ALK: variants seen among roughly 807,000 people sequenced by gnomAD.
ALK encodes ALK receptor tyrosine kinase, also known as ALK tyrosine kinase receptor.
Under a neutral mutation model 163.1 loss-of-function variants are expected in ALK, and 74 were observed. The observed-to-expected ratio is 0.45, with a 90% confidence interval of 0.38 to 0.55. The LOEUF is 0.55. ALK is among the 20% of genes least tolerant of loss of function. The pLI, the probability that ALK is intolerant of heterozygous loss-of-function variation, is 0.00. For missense variants in ALK, 2,063 were observed against 2,105.3 expected, an observed-to-expected ratio of 0.98 and a Z score of 0.39; for synonymous variants, 960 against 843.2, an observed-to-expected ratio of 1.14 and a Z score of -2.40.
intron 1 of ALK, among the ~76,000 whole-genome samples, chr2:29,803,771 C>T (rs1664542444): frequency 6.6e-6 from 1 of 152,132 alleles, no homozygotes; most frequent in African/African-American, 2.4e-5. Context: ...GGATGCCAAG[C>T]TTAGAGGTTG....
chr2:29,842,011 C>T (rs1371180310), intron 1 of ALK, among the ~76,000 whole-genome samples: 1 of 151,964 alleles, frequency 6.6e-6, no homozygotes, highest in African/African-American at 2.4e-5. Flanking sequence ...CTCTTCACTC[C>T]TCTTTTCTAC....
At chr2:29,840,276 A>T (rs561201933) in intron 1 of ALK, among the ~76,000 whole-genome samples, 4 of 152,346 alleles carry the variant, frequency 2.6e-5, no homozygotes, top group African/African-American at 9.6e-5. Flanking sequence ...TTAACGTGGT[A>T]TCTGGCAAAT....
intron 3 of ALK, among the ~76,000 whole-genome samples, chr2:29,539,650 G>C (rs1057461708): frequency 6.6e-6 from 1 of 151,946 alleles, no homozygotes; most frequent in African/African-American, 2.4e-5. Context: ...AAAAGTTCAA[G>C]ACTCTAATTT....
intron 3 of ALK, among the ~76,000 whole-genome samples, chr2:29,649,424 T>G (rs2148252397): frequency 6.6e-6 from 1 of 152,260 alleles, no homozygotes; most frequent in African/African-American, 2.4e-5. Context: ...TGATCCTTGG[T>G]TGTTCTTTAT....
intron 5 of ALK, among the ~76,000 whole-genome samples, chr2:29,337,020 C>T (rs1242581091): frequency 6.6e-6 from 1 of 152,078 alleles, no homozygotes; most frequent in Non-Finnish European, 1.5e-5. Flanking sequence ...GGGCCATGAT[C>T]TGGACTAGGA....
chr2:29,288,106 C>T (rs1311446804), intron 9 of ALK, among the ~76,000 whole-genome samples: 1 of 152,096 alleles, frequency 6.6e-6, no homozygotes, highest in Non-Finnish European at 1.5e-5. Context: ...CAGGAATCTG[C>T]AGTATTCTTC....
intron 5 of ALK, among the ~76,000 whole-genome samples, chr2:29,354,878 T>C (rs1390698350): frequency 6.6e-6 from 1 of 151,728 alleles, no homozygotes; most frequent in African/African-American, 2.4e-5. Flanking sequence ...ACCATTCTCC[T>C]GCCTCAGCCT....
At chr2:29,849,780 G>A (rs1256366930) in intron 1 of ALK, among the ~76,000 whole-genome samples, 7 of 152,174 alleles carry the variant, frequency 4.6e-5, no homozygotes, top group African/African-American at 1.7e-4. Context: ...AGGAAGAAGA[G>A]GAGTGGGGAG....
intron 8 of ALK, among the ~76,000 whole-genome samples, chr2:29,315,691 T>C (rs1666813917): frequency 6.6e-6 from 1 of 152,178 alleles, no homozygotes; most frequent in African/African-American, 2.4e-5. Context: ...ATGTGACTGG[T>C]GAAACACAGA....
intron 3 of ALK, among the ~76,000 whole-genome samples, chr2:29,618,378 G>C (rs189807853): frequency 1.3e-5 from 2 of 152,006 alleles, no homozygotes; most frequent in Non-Finnish European, 2.9e-5. Context: ...TCTAAAACTC[G>C]GTGCTACCTT....
intron 4 of ALK, among the ~76,000 whole-genome samples, chr2:29,515,759 G>A (rs1193337708): frequency 2.6e-5 from 4 of 152,094 alleles, no homozygotes; most frequent in African/African-American, 9.7e-5. Flanking sequence ...AGAAGCATAC[G>A]GTAAAATAGT....
At chr2:29,709,202 A>G (rs983313973) in intron 2 of ALK, among the ~76,000 whole-genome samples, 1 of 152,226 alleles carries the variant, frequency 6.6e-6, no homozygotes. Flanking sequence ...AAGCCTGCTC[A>G]AAGTAGTTAA....
At chr2:29,500,141 G>A (rs1672130146) in intron 4 of ALK, among the ~76,000 whole-genome samples, 1 of 150,208 alleles carries the variant, frequency 6.7e-6, no homozygotes, top group South Asian at 2.1e-4. Flanking sequence ...TTGGATCTGT[G>A]TCCCCCACCC....
intron 4 of ALK, among the ~76,000 whole-genome samples, chr2:29,396,497 A>G (rs1469138882): frequency 2.0e-5 from 3 of 152,118 alleles, no homozygotes; most frequent in Non-Finnish European, 2.9e-5. Flanking sequence ...AACATGGTGA[A>G]ACCCTGTCTC....
At chr2:29,414,426 T>C (rs1669816298) in intron 4 of ALK, among the ~76,000 whole-genome samples, 1 of 152,140 alleles carries the variant, frequency 6.6e-6, no homozygotes, top group African/African-American at 2.4e-5. Context: ...AGGACTTTGG[T>C]CTTTTGAGTC....
chr2:29,655,586 A>C (rs562848761), intron 3 of ALK, among the ~76,000 whole-genome samples: 2 of 152,274 alleles, frequency 1.3e-5, no homozygotes, highest in African/African-American at 4.8e-5. Flanking sequence ...ACTCATAACA[A>C]CACAGGGCAA....
intron 4 of ALK, among the ~76,000 whole-genome samples, chr2:29,489,961 C>T (rs1001812271): frequency 6.6e-5 from 10 of 152,254 alleles, no homozygotes; most frequent in Admixed American, 6.5e-4. Flanking sequence ...ATGGTTGTTG[C>T]ACCACATGCT....
At chr2:29,502,049 T>A (rs1412462014) in intron 4 of ALK, among the ~76,000 whole-genome samples, 1 of 152,226 alleles carries the variant, frequency 6.6e-6, no homozygotes, top group Non-Finnish European at 1.5e-5. Flanking sequence ...CCACATTTTG[T>A]TTATCCATTT....
At chr2:29,353,961 T>A (rs1364215115) in intron 5 of ALK, among the ~76,000 whole-genome samples, 1 of 152,184 alleles carries the variant, frequency 6.6e-6, no homozygotes, top group Non-Finnish European at 1.5e-5. Flanking sequence ...CTGACACTTT[T>A]AACAAAGGAC....
Sources: allele counts gnomAD v4.1 joint callset (sites outside exome capture counted in the v4.1 genomes callset), GRCh38; gene constraint gnomAD v4.1.1; transcripts MANE v1.5; gene names NCBI Gene and HGNC (gene_info 2026-07-23, HGNC 2026-07-21).